Variants in UTRN observed in about 807,000 individuals in gnomAD.
UTRN encodes dystrophin-related protein 1.
In UTRN, 283 loss-of-function variants were observed where a neutral mutation model predicts 463.9. That is an observed-to-expected ratio of 0.61 (90% CI 0.55 to 0.67). The LOEUF is 0.67. UTRN is among the 30% of genes least tolerant of loss of function. The probability of loss-of-function intolerance (pLI) is 0.00; values close to 1 mark genes in which losing one functional copy is unlikely to be tolerated. For missense variants in UTRN, 3,922 were observed against 4,084.3 expected (o/e 0.96, Z 1.08); for synonymous variants, 1,442 against 1,431.5 (o/e 1.01, Z -0.17).
intron 2 of UTRN, among the ~76,000 whole-genome samples, chr6:144,299,224 T>G (rs1805020299): frequency 6.6e-6 from 1 of 152,162 alleles, no homozygotes; most frequent in Non-Finnish European, 1.5e-5. Context: ...TGGGGTGGGG[T>G]CCCAGCATCT....
chr6:144,754,492 A>G (rs570518343), intron 56 of UTRN, among the ~76,000 whole-genome samples: 1 of 147,992 alleles, frequency 6.8e-6, no homozygotes, highest in Non-Finnish European at 1.5e-5. Flanking sequence ...TTAGAAGAGT[A>G]CCTGGCACTG....
chr6:144,511,472 A>C (rs1004930445), intron 35 of UTRN, among the ~76,000 whole-genome samples: 1 of 152,306 alleles, frequency 6.6e-6, no homozygotes, highest in African/African-American at 2.4e-5. Context: ...GAATAATGGC[A>C]TACTGGTTAA....
In UTRN at chr6:144,499,327, C is replaced by G. The variant is rs765965881; in HGVS notation, c.4664C>G (p.Ser1555Cys). ...CGGAAAATGAAGAAAGAGGCTGCTT[C>G]TCTCTCTGAATGGCTTTCTGCTACT... Reference protein sequence around the residue: ...LARKMKKEAASLSEWLSATET... With the variant: ...LARKMKKEAACLSEWLSATET... The change falls in exon 34 of 75, where the codon TCT (serine) becomes TGT (cysteine). Residue 1555 changes from serine to cysteine, a missense_variant. Around this residue, in one of 3 missense-constraint regions of UTRN, gnomAD observed 2,349 missense variants for 2,303.8 expected, o/e 1.02. Transcript: ENST00000367545. 1 of 1,613,938 alleles carries G rather than the reference C, an allele frequency of 6.2e-7. No homozygotes were observed. Among genetic ancestry groups the G allele is most frequent in the Non-Finnish European group, 8.5e-7 (1 of 1,179,868 alleles).
rs1791006660 is a variant in UTRN at position 144,748,522 on chromosome 6, T to A, written c.8208+8T>A. The A allele has an allele frequency of 6.2e-7, 1 of 1,606,390 alleles. No individual in the cohort carries two copies. The highest frequency in any genetic ancestry group is 8.5e-7 in the Non-Finnish European group (1 of 1,177,378). On this transcript the variant is annotated splice_region_variant and intron_variant, in intron 55 of 74. Transcript: ENST00000367545. ...CACATTGAAAAAATCATGGTCAGCA[T>A]CATTGTCTTTGAAGGATTTTTAAGA...
intron 53 of UTRN, among the ~76,000 whole-genome samples, chr6:144,722,332 A>T (rs982128657): frequency 2.0e-4 from 29 of 141,604 alleles, no homozygotes; most frequent in African/African-American, 6.3e-4. Flanking sequence ...TTTTTTTTTT[A>T]AATATCGCTG....
At chr6:144,305,661 C>T (rs879503259) in intron 2 of UTRN, among the ~76,000 whole-genome samples, 3 of 152,208 alleles carry the variant, frequency 2.0e-5, no homozygotes, top group Non-Finnish European at 4.4e-5. Context: ...CCATTGGATC[C>T]ATAGGGAATG....
At chr6:144,523,328 A>G (rs536723919) in intron 41 of UTRN, 140 bp downstream of exon 41, 1 of 679,478 alleles carries the variant, frequency 1.5e-6, no homozygotes, top group Non-Finnish European at 2.2e-6. Context: ...TTTTTCTTTT[A>G]AGAAGGAGTC....
intron 54 of UTRN, among the ~76,000 whole-genome samples, chr6:144,745,015 T>TAA (rs1447827792): frequency 2.0e-5 from 3 of 152,164 alleles, no homozygotes; most frequent in Non-Finnish European, 4.4e-5. Flanking sequence ...TGCCAGACCT[T>TAA]ACGCTGACCA....
intron 13 of UTRN, 29 bp downstream of exon 13, chr6:144,440,500 T>C (rs987415002): frequency 6.2e-7 from 1 of 1,613,816 alleles, no homozygotes; most frequent in Admixed American, 1.7e-5. Flanking sequence ...TGGATAATCC[T>C]GAGGGACCTG....
chr6:144,812,920 T>A (rs988352276), intron 65 of UTRN, among the ~76,000 whole-genome samples: 1 of 152,148 alleles, frequency 6.6e-6, no homozygotes, highest in Admixed American at 6.5e-5. Context: ...TACGGCTACT[T>A]AATAGCAGTA....
chr6:144,290,722 T>C (rs565629779), intron 1 of UTRN, among the ~76,000 whole-genome samples: 1 of 151,400 alleles, frequency 6.6e-6, no homozygotes, highest in African/African-American at 2.4e-5. Context: ...CCCCACATAT[T>C]ACTGTGGTCT....
intron 51 of UTRN, among the ~76,000 whole-genome samples, chr6:144,591,325 G>A (rs1022271687): frequency 6.6e-6 from 1 of 152,186 alleles, no homozygotes; most frequent in East Asian, 1.9e-4. Context: ...AATTTTCCCT[G>A]GGGTTGTTAT....
In UTRN at chr6:144,669,101, T is replaced by C. The variant is rs76728811; in HGVS notation, c.7480-9305T>C. ...GCTGTCATGCCAGAGTTAGCTACAA[T>C]TAGGTTGCTTCCATTAAATTCAGGA... On this transcript the variant is annotated intron_variant, in intron 51 of 74. Transcript: ENST00000367545. Among the ~76,000 whole-genome samples the C allele has an allele frequency of 2.6e-3, 391 of 152,284 alleles. 14 individuals are homozygous for C. The East Asian group carries it at 0.055, about 22-fold the overall frequency.
At chr6:144,353,838 C>T (rs1453390780) in intron 2 of UTRN, among the ~76,000 whole-genome samples, 2 of 143,474 alleles carry the variant, frequency 1.4e-5, no homozygotes, top group African/African-American at 6.0e-5. Flanking sequence ...CAGAGCGAGA[C>T]TGTCTAAAAC....
chr6:144,835,798 C>T lies in UTRN; in HGVS notation c.9684C>T (p.Leu3228=). 1 of 1,614,074 alleles carries T rather than the reference C, an allele frequency of 6.2e-7. No homozygotes were observed. The highest frequency in any genetic ancestry group is 8.5e-7 in the Non-Finnish European group (1 of 1,179,972). ...TTGSVEDEHA[L]IQQYCQTLGG... ...TTGCTAGGGAAGACGAGCACGCCCTCATCCAGCAGTATTGCCAAACACTCG... is the reference window on the plus strand; with the variant it reads ...TTGCTAGGGAAGACGAGCACGCCCTTATCCAGCAGTATTGCCAAACACTCG... Residue 3228 remains leucine, a synonymous_variant, in exon 70 of 75, where the codon CTC becomes CTT. Coordinates refer to ENST00000367545, the MANE Select transcript of UTRN (RefSeq NM_007124.3).
intron 23 of UTRN, among the ~76,000 whole-genome samples, chr6:144,469,185 G>A (rs1790251003): frequency 6.6e-6 from 1 of 152,164 alleles, no homozygotes; most frequent in Admixed American, 6.5e-5. Flanking sequence ...ATTAATGTTG[G>A]CAGCAATTAA....
intron 51 of UTRN, among the ~76,000 whole-genome samples, chr6:144,619,785 T>G (rs1027881846): frequency 1.3e-5 from 2 of 150,918 alleles, no homozygotes; most frequent in African/African-American, 4.9e-5. Context: ...GACTTAAAAA[T>G]GATGCCTTAA....
intron 52 of UTRN, among the ~76,000 whole-genome samples, chr6:144,681,311 A>G (rs1413038133): frequency 1.3e-5 from 2 of 152,144 alleles, no homozygotes; most frequent in African/African-American, 2.4e-5. Context: ...TTGAAACATT[A>G]GAAGAGGGCA....
intron 2 of UTRN, among the ~76,000 whole-genome samples, chr6:144,304,686 A>G (rs887423584): frequency 2.6e-5 from 4 of 152,164 alleles, no homozygotes; most frequent in African/African-American, 9.7e-5. Flanking sequence ...TGAGGTTTTC[A>G]ATATGGCTAA....
Sources: allele counts gnomAD v4.1 joint callset (sites outside exome capture counted in the v4.1 genomes callset), GRCh38; gene constraint gnomAD v4.1.1; regional missense constraint gnomAD v4.1.1; transcripts MANE v1.5; gene names NCBI Gene and HGNC (gene_info 2026-07-23, HGNC 2026-07-21).